MELTF: variants seen among roughly 807,000 people sequenced by gnomAD.
The protein encoded by MELTF is antigen p97 (melanoma associated) identified by monoclonal antibodies 133.2 and 96.5.
A neutral mutation model predicts 83.7 loss-of-function variants in MELTF; 67 were observed. The observed-to-expected ratio is 0.80, with a 90% CI of 0.66 to 0.98. MELTF has a LOEUF of 0.98. Ranked by LOEUF, MELTF falls within the 50% of genes least tolerant of loss-of-function variation. The pLI is 0.00. For missense variants in MELTF, 1,002 were observed against 1,035.6 expected, an observed-to-expected ratio of 0.97 and a Z score of 0.44; for synonymous variants, 462 against 447.6, an observed-to-expected ratio of 1.03 and a Z score of -0.41.
chr3:197,007,848 G>C lies in MELTF; in HGVS notation c.1750+809C>G, dbSNP rs1719035087. ...CCCATTGTCCAGTCCCCTCCCCACC[G>C]GGCCACAGTTGTGCCTTTCTGGGCT... On this transcript the variant is annotated intron_variant, in intron 13 of 15. Transcript: ENST00000296350. This position sits in a 1 kb window ranked among gnomAD's most constrained non-coding sequence, Gnocchi z 4.3. Among the ~76,000 whole-genome samples the C allele has an allele frequency of 6.6e-6, 1 of 152,104 alleles. No individual in the cohort carries two copies. The highest frequency in any genetic ancestry group is 1.5e-5 in the Non-Finnish European group (1 of 68,018).
At position 197,009,709 on chromosome 3, in the gene MELTF, G is replaced by T. The variant is rs113102133; in HGVS notation, c.1434C>A (p.Ala478=). 4 of 1,613,586 alleles carry T rather than the reference G, an allele frequency of 2.5e-6. No homozygotes were observed. The African/African-American group carries it at 5.3e-5, about 22-fold the overall frequency. The stretch of plus-strand genomic sequence containing the variant: ...CCCAGCCTGCAGGGCTGCCGAAACC[G>T]GCGTGGCAGGAGCGCTTGCCCCGAA... ...DELRGKRSCH[A]GFGSPAGWDV... is the part of the protein sequence containing the mutation. Residue 478 remains alanine (A), a synonymous_variant, in exon 11 of 16, where the codon GCC becomes GCA. Transcript: ENST00000296350.
rs537044239 is a variant in MELTF at position 197,020,908 on chromosome 3, C to T, written c.712+496G>A. On this transcript the variant is annotated intron_variant, in intron 6 of 15. Transcript: ENST00000296350. ...GGTCTCTTCTCCTGACCTCGTGATC[C>T]GCCCACCTCGGCCTCCCAAAGTGCT... Among the ~76,000 whole-genome samples the T allele has an allele frequency of 6.6e-5, 10 of 152,184 alleles. No homozygotes were observed. In the South Asian group the frequency reaches 1.5e-3, roughly 22 times the overall value.
chr3:197,027,097 A>C, intron 2 of MELTF: 1 of 290,472 alleles, frequency 3.4e-6, no homozygotes, highest in African/African-American at 2.1e-5. Context: ...CTCTACTGCT[A>C]CCCTAGGTTT....
In MELTF at chr3:197,015,394, A is replaced by G; in HGVS notation, c.1204T>C (p.Ser402Pro). The stretch of plus-strand genomic sequence containing the variant: ...ATCCGCTCCATGCAGTGTTGGGGGG[A>G]CTTGGCTGACACGCACTGGATCTCT... ...KPEIQCVSAKSPQHCMERIQA... is the reference protein window; with the variant it reads ...KPEIQCVSAKPPQHCMERIQA... Residue 402 changes from serine (S) to proline (P), a missense_variant, in exon 9 of 16, where the codon TCC becomes CCC. Ser to Pro is a moderately conservative substitution (Grantham distance 74). Coordinates refer to ENST00000296350, the MANE Select transcript of MELTF (RefSeq NM_005929.6). 1 of 1,576,686 alleles carries G rather than the reference A, an allele frequency of 6.3e-7. No homozygotes were observed. Among genetic ancestry groups the G allele is most frequent in the African/African-American group, 1.3e-5 (1 of 74,092 alleles).
intron 7 of MELTF, 133 bp downstream of exon 7, chr3:197,016,970 C>T: frequency 8.7e-6 from 9 of 1,035,488 alleles, no homozygotes; most frequent in Non-Finnish European, 1.3e-5. Flanking sequence ...TCACTCTGAC[C>T]TGGCCCGATG....
At position 197,003,150 on chromosome 3, in the gene MELTF, TGGCGGGAGGC is replaced by T; in HGVS notation, c.*212_*221del. ...CCGGCGCGGCCCGCGCGGCTCCAGG[TGGCGGGAGGC>T]GGCGGTTGGCGGGAAGGGCCGCGCG... On this transcript the variant is annotated 3_prime_UTR_variant, in exon 16 of 16. Transcript: ENST00000296350. This position sits in a 1 kb window ranked among gnomAD's most constrained non-coding sequence, Gnocchi z 6.2. The T allele has an allele frequency of 3.6e-6, 1 of 278,994 alleles. No individual in the cohort carries two copies. Among genetic ancestry groups the T allele is most frequent in the Non-Finnish European group, 5.4e-6 (1 of 185,136 alleles). 17.3% of individuals were successfully genotyped at this position (278,994 alleles called of 1,614,324 possible).
chr3:197,019,747 C>T (rs745677502), intron 6 of MELTF: 1 of 1,608,742 alleles, frequency 6.2e-7, no homozygotes, highest in Non-Finnish European at 8.5e-7. Context: ...GTGTGCAGGG[C>T]ACTCGCCTTC....
intron 4 of MELTF, chr3:197,023,745 AGAG>A (rs1197622805): frequency 2.3e-6 from 1 of 441,830 alleles, no homozygotes; most frequent in African/African-American, 2.0e-5. Context: ...GTGACCTCCC[AGAG>A]GAGTAGATAT....
At chr3:197,027,963 C>T in intron 1 of MELTF, 53 bp from the exon 2 acceptor site, 7 of 1,510,988 alleles carry the variant, frequency 4.6e-6, no homozygotes, top group Non-Finnish European at 3.6e-6. Flanking sequence ...CAGCCCCGGC[C>T]CACCATGGAG....
chr3:197,020,528 C>G (rs1719578666), intron 6 of MELTF, among the ~76,000 whole-genome samples: 1 of 152,048 alleles, frequency 6.6e-6, no homozygotes, highest in Non-Finnish European at 1.5e-5. Flanking sequence ...TGGGAAAATG[C>G]TAAACAGTTA....
chr3:197,015,914 G>C (rs1222710189), intron 8 of MELTF, among the ~76,000 whole-genome samples: 1 of 152,158 alleles, frequency 6.6e-6, no homozygotes, highest in Non-Finnish European at 1.5e-5. Context: ...TGCCATGGCC[G>C]TGGATGGGGG....
rs986257519 is a variant in MELTF, at chr3:197,006,450, A to G, written c.1938+99T>C. ...ACAGAATTTCCCCCGGGCTTCCTCA[A>G]TTTCTCTAGAGGTCTGCTCCAGGTA... On this transcript the variant is annotated intron_variant, in intron 14 of 15. Transcript: ENST00000296350. This position sits in a 1 kb window ranked among gnomAD's most constrained non-coding sequence, Gnocchi z 5.4. The G allele has an allele frequency of 1.3e-5, 14 of 1,103,088 alleles. No homozygotes were observed. The highest frequency in any genetic ancestry group is 1.7e-5 in the Non-Finnish European group (14 of 803,216). The allele number at this position is 1,103,088 out of a possible 1,614,324, so 68.3% of individuals were successfully genotyped here. A position where few individuals can be genotyped will look rare whatever the true frequency, so the allele number is the denominator to read the frequency against.
chr3:197,021,207 G>C, intron 6 of MELTF, 197 bp downstream of exon 6: 1 of 580,848 alleles, frequency 1.7e-6, no homozygotes, highest in South Asian at 2.3e-5. Flanking sequence ...CACTCCACTG[G>C]TGACACCTGC....
At chr3:197,005,325 G>A (rs1408768847) in intron 14 of MELTF, among the ~76,000 whole-genome samples, 2 of 152,314 alleles carry the variant, frequency 1.3e-5, no homozygotes, top group Non-Finnish European at 2.9e-5. Flanking sequence ...AAGGAGGGAC[G>A]GGGGTCCAAC....
At chr3:197,009,596 G>A (rs1365407815) in intron 11 of MELTF, 22 bp downstream of exon 11, 9 of 1,592,920 alleles carry the variant, frequency 5.7e-6, no homozygotes, top group Admixed American at 3.4e-5. Context: ...CCCAGTCTGC[G>A]TTCCTAAAAA....
chr3:197,015,854 G>A (rs1719350244), intron 8 of MELTF, among the ~76,000 whole-genome samples: 1 of 152,188 alleles, frequency 6.6e-6, no homozygotes, highest in Non-Finnish European at 1.5e-5. Context: ...CTGTAGCCAT[G>A]GGGTAGAGGC....
intron 6 of MELTF, chr3:197,019,616 T>C (rs750786942): frequency 1.2e-6 from 2 of 1,604,148 alleles, no homozygotes; most frequent in Admixed American, 1.7e-5. Context: ...TAACCCAACA[T>C]ATCCCTACTC....
chr3:197,025,475 C>T (rs562678860), intron 3 of MELTF: 13 of 152,454 alleles, frequency 8.5e-5, no homozygotes, highest in South Asian at 6.2e-4. Context: ...TGGATTTCCC[C>T]GCAACCCTCG....
chr3:197,004,124 C>CAGCA, intron 14 of MELTF, 25 bp from the exon 15 acceptor site: 1 of 1,611,786 alleles, frequency 6.2e-7, no homozygotes, highest in Non-Finnish European at 8.5e-7. Flanking sequence ...GGCAGACGAC[C>CAGCA]TGCTCCTCAC....
Sources: gnomAD v4.1 joint callset for allele counts (sites outside exome capture counted in the v4.1 genomes callset) on GRCh38, gnomAD v4.1.1 for gene constraint, Gnocchi (gnomAD v3.1) non-coding constraint, MANE v1.5 for transcripts, NCBI Gene and HGNC (gene_info 2026-07-23, HGNC 2026-07-21) for gene names.